APC: variants seen among roughly 807,000 people sequenced by gnomAD.
The protein encoded by APC is APC regulator of Wnt signaling pathway.
APC carries 72 observed loss-of-function variants against 247.0 expected under a neutral mutation model. The observed-to-expected ratio is 0.29, with a 90% CI of 0.24 to 0.35. The LOEUF is 0.35. APC is among the 10% of genes least tolerant of loss of function. APC has a pLI of 1.00. For synonymous variants in APC, 1,254 were observed against 1,162.5 expected, an observed-to-expected ratio of 1.08 and a Z score of -1.60; for missense variants, 3,400 against 3,360.7, an observed-to-expected ratio of 1.01 and a Z score of -0.29.
rs1766889516 is a variant in APC at position 112,845,311 on chromosome 5, A to C, written c.*1185A>C. 2.6e-5 allele frequency: 6 copies of C among 232,844 alleles called. No individual in the cohort carries two copies. Among genetic ancestry groups the C allele is most frequent in the Middle Eastern group, 1.3e-3 (1 of 780 alleles). 14.4% of individuals were successfully genotyped at this position (232,844 alleles called of 1,614,324 possible). ...AATAGCAATGCAAGCAGCCTAGCAC[A>C]GACTAAGCATTGAGCATAATAGGCC... is the stretch of plus-strand genomic sequence containing the variant. On this transcript the variant is annotated 3_prime_UTR_variant, in exon 16 of 16. Coordinates refer to ENST00000257430, the MANE Select transcript of APC (RefSeq NM_000038.6).
chr5:112,741,812 T>C (rs1753065714), intron 1 of APC, among the ~76,000 whole-genome samples: 1 of 151,514 alleles, frequency 6.6e-6, no homozygotes, highest in South Asian at 2.1e-4. Flanking sequence ...CAACCACCAC[T>C]CCACTTTTTG....
chr5:112,768,935 A>C (rs1193380175), intron 4 of APC, among the ~76,000 whole-genome samples: 3 of 151,648 alleles, frequency 2.0e-5, no homozygotes, highest in East Asian at 1.9e-4. Flanking sequence ...TCTAGCTGTA[A>C]TTTTATATTC....
At chr5:112,830,808 G>C (rs147744656) in intron 14 of APC, among the ~76,000 whole-genome samples, 6 of 152,318 alleles carry the variant, frequency 3.9e-5, no homozygotes, top group Admixed American at 3.9e-4. Context: ...AGGATTATGA[G>C]AGGGTAGGAA....
chr5:112,775,147 A>C (rs1052409335), intron 4 of APC, among the ~76,000 whole-genome samples: 1 of 152,142 alleles, frequency 6.6e-6, no homozygotes, highest in Non-Finnish European at 1.5e-5. Context: ...TCTTATTTCA[A>C]AATGACAGTA....
At chr5:112,767,091 G>A in intron 3 of APC, 98 bp from the exon 4 acceptor site, 1 of 1,100,876 alleles carries the variant, frequency 9.1e-7, no homozygotes, top group South Asian at 1.4e-5. Flanking sequence ...TGGTTAAAAT[G>A]TAAACCTAAT....
intron 11 of APC, 78 bp downstream of exon 11, chr5:112,822,069 A>C (rs1763205742): frequency 3.0e-6 from 3 of 998,466 alleles, no homozygotes; most frequent in Non-Finnish European, 4.6e-6. Flanking sequence ...CAGTATAGTA[A>C]ATAAAGATTT....
intron 1 of APC, among the ~76,000 whole-genome samples, chr5:112,716,611 T>G (rs1044696959): frequency 1.3e-5 from 2 of 152,206 alleles, no homozygotes; most frequent in African/African-American, 4.8e-5. Context: ...GGTGATCTTT[T>G]GTTTGCTCAT....
intron 8 of APC, among the ~76,000 whole-genome samples, chr5:112,811,005 A>G (rs1288945822): frequency 7.0e-6 from 1 of 142,430 alleles, no homozygotes; most frequent in African/African-American, 2.6e-5. Context: ...AGCCTGGGCA[A>G]CACAGCAAAA....
chr5:112,765,826 A>G (rs1010448580), intron 2 of APC, among the ~76,000 whole-genome samples: 1 of 152,236 alleles, frequency 6.6e-6, no homozygotes, highest in Admixed American at 6.5e-5. Context: ...ATTTGAATGT[A>G]TGCTAATTGT....
intron 1 of APC, chr5:112,708,005 C>A: frequency 1.0e-6 from 1 of 997,612 alleles, no homozygotes; most frequent in Non-Finnish European, 1.3e-6. Flanking sequence ...CCATGTCTCA[C>A]CCTCTCCCCT....
At chr5:112,823,478 G>C (rs1763342484) in intron 11 of APC, 1 of 152,568 alleles carries the variant, frequency 6.6e-6, no homozygotes, top group South Asian at 2.1e-4. Flanking sequence ...GGATTAGGGT[G>C]TGTGGATTGC....
At chr5:112,717,748 A>G (rs1035768763) in intron 1 of APC, among the ~76,000 whole-genome samples, 2 of 151,968 alleles carry the variant, frequency 1.3e-5, no homozygotes, top group South Asian at 4.1e-4. Context: ...CTGTGTGAAT[A>G]TATGGATTGG....
chr5:112,815,600 G>C lies in APC; in HGVS notation c.933+7G>C, dbSNP rs369087912. ...AAGTCATCTGGGAACCAAGGTAACA[G>C]AAGATTACAAACCCTGGTCACTAAT... is the stretch of plus-strand genomic sequence containing the variant. On this transcript the variant is annotated splice_region_variant and intron_variant, in intron 9 of 15. Coordinates refer to ENST00000257430, the MANE Select transcript of APC (RefSeq NM_000038.6). The C allele has an allele frequency of 3.1e-6, 5 of 1,605,868 alleles. No homozygotes were observed. The African/African-American group carries it at 5.4e-5, about 17-fold the overall frequency.
intron 11 of APC, among the ~76,000 whole-genome samples, chr5:112,826,662 G>T (rs577158460): frequency 2.0e-5 from 3 of 149,482 alleles, no homozygotes; most frequent in Non-Finnish European, 3.0e-5. Context: ...ATTCCTAAGG[G>T]TAATTATTTG....
chr5:112,717,695 T>C (rs1751248620), intron 1 of APC, among the ~76,000 whole-genome samples: 1 of 152,134 alleles, frequency 6.6e-6, no homozygotes, highest in Non-Finnish European at 1.5e-5. Flanking sequence ...TGGCTTTGGC[T>C]TTCTGTTTTA....
intron 8 of APC, among the ~76,000 whole-genome samples, chr5:112,807,751 T>C (rs1281349327): frequency 6.6e-6 from 1 of 152,210 alleles, no homozygotes; most frequent in African/African-American, 2.4e-5. Context: ...TATCGACATG[T>C]AACCTATTCA....
chr5:112,794,481 T>G (rs1759987402), intron 7 of APC, among the ~76,000 whole-genome samples: 1 of 152,218 alleles, frequency 6.6e-6, no homozygotes, highest in African/African-American at 2.4e-5. Context: ...TGATCCTAAC[T>G]ACCCAGAGTT....
intron 1 of APC, among the ~76,000 whole-genome samples, chr5:112,744,154 T>A (rs1753364716): frequency 6.6e-6 from 1 of 152,118 alleles, no homozygotes; most frequent in African/African-American, 2.4e-5. Flanking sequence ...GTAACATATC[T>A]TTTTATGAAA....
Position 112,842,996 on chromosome 5 carries a change from T to C in APC, c.7402T>C (p.Ser2468Pro), listed in dbSNP as rs375586273. 4.9e-5 allele frequency: 79 copies of C among 1,613,910 alleles called. No individual in the cohort carries two copies. Among genetic ancestry groups the C allele is most frequent in the African/African-American group, 6.7e-5 (5 of 74,896 alleles). The change falls in exon 16 of 16, where the codon TCA (serine) becomes CCA (proline). Residue 2468 changes from serine to proline, a missense_variant. This residue lies in a region of APC where 1,788 missense variants were observed against 1,649.5 expected (regional missense o/e 1.08). Coordinates refer to ENST00000257430, the MANE Select transcript of APC (RefSeq NM_000038.6). ...TGCTTCATTTGAATCTCTTTCTCCA[T>C]CATCTAGACCAGCTTCTCCCACTAG... is the stretch of plus-strand genomic sequence containing the variant. ...ESASFESLSP[S>P]SRPASPTRSQ...
Sources: allele counts gnomAD v4.1 joint callset (sites outside exome capture counted in the v4.1 genomes callset), GRCh38; gene constraint gnomAD v4.1.1; regional missense constraint gnomAD v4.1.1; transcripts MANE v1.5; gene names NCBI Gene and HGNC (gene_info 2026-07-23, HGNC 2026-07-21).